POLR1A: variants seen among roughly 807,000 people sequenced by gnomAD.
The protein encoded by POLR1A is RNA polymerase I subunit A.
Under a neutral mutation model 205.3 loss-of-function variants are expected in POLR1A, and 84 were observed. The ratio of observed to expected loss-of-function variants is 0.41; its 90% confidence interval spans 0.34 to 0.49. The LOEUF is 0.49. Ranked by LOEUF, POLR1A falls within the 20% of genes least tolerant of loss-of-function variation. POLR1A has a pLI of 0.22. For synonymous variants in POLR1A, 799 were observed against 863.7 expected, an observed-to-expected ratio of 0.93 and a Z score of 1.31; for missense variants, 1,645 against 2,204.5, an observed-to-expected ratio of 0.75 and a Z score of 5.08.
chr2:86,027,997 G>A lies in POLR1A; in HGVS notation c.4950C>T (p.Phe1650=), dbSNP rs538210708. 9.9e-6 allele frequency: 16 copies of A among 1,614,180 alleles called. No individual in the cohort carries two copies. Among genetic ancestry groups the A allele is most frequent in the East Asian group, 4.5e-5 (2 of 44,880 alleles). Residue 1650 remains phenylalanine (F), a synonymous_variant, in exon 33 of 34, where the codon TTC becomes TTT. Transcript: ENST00000263857. ...HLSLVADYMC[F]EGVYKPLNRF... is the part of the protein sequence containing the mutation. ...GATTCAGTGGCTTGTAAACACCCTC[G>A]AAGCACATATAATCAGCAACCAGGG...
At chr2:86,080,727 A>G in intron 9 of POLR1A, 89 bp downstream of exon 9, 2 of 1,298,238 alleles carry the variant, frequency 1.5e-6, no homozygotes, top group Non-Finnish European at 1.1e-6. Context: ...CCCAGGAAGC[A>G]TCTCCCAGAC....
chr2:86,045,417 A>C, intron 20 of POLR1A, 57 bp from the exon 21 acceptor site: 4 of 1,426,464 alleles, frequency 2.8e-6, no homozygotes, highest in South Asian at 2.3e-5. Flanking sequence ...GCGCTTCCTG[A>C]AGGGCTCAGG....
intron 3 of POLR1A, among the ~76,000 whole-genome samples, chr2:86,096,329 T>C (rs936766838): frequency 1.3e-5 from 2 of 152,048 alleles, no homozygotes; most frequent in African/African-American, 4.8e-5. Context: ...ATAATTAATA[T>C]TGTTAAAATT....
intron 33 of POLR1A, 36 bp downstream of exon 33, chr2:86,027,849 T>G: frequency 3.1e-6 from 5 of 1,611,560 alleles, no homozygotes; most frequent in Non-Finnish European, 4.2e-6. Flanking sequence ...GAGTCGTCAG[T>G]AGAGGGGAGG....
At chr2:86,047,053 T>C in intron 19 of POLR1A, 112 bp downstream of exon 19, 1 of 680,306 alleles carries the variant, frequency 1.5e-6, no homozygotes, top group Non-Finnish European at 2.6e-6. Context: ...TCTACACGCT[T>C]TCCTCTTTTT....
intron 13 of POLR1A, among the ~76,000 whole-genome samples, chr2:86,068,386 C>CGGGGGGGGGGGGGGGGGGGGGG (rs543719645): frequency 8.2e-5 from 1 of 12,224 alleles, no homozygotes. Flanking sequence ...AGCACATGGG[C>CGGGGGGGGGGGGGGGGGGGGGG]GGGGGGGGGG....
intron 21 of POLR1A, among the ~76,000 whole-genome samples, chr2:86,044,547 G>T (rs1672677457): frequency 1.3e-5 from 2 of 152,236 alleles, no homozygotes; most frequent in Non-Finnish European, 2.9e-5. Context: ...TTACTGAGCA[G>T]CTTGGCTGCC....
chr2:86,056,546 G>A (rs771296006), intron 14 of POLR1A, among the ~76,000 whole-genome samples: 8 of 152,022 alleles, frequency 5.3e-5, no homozygotes, highest in Admixed American at 1.3e-4. Flanking sequence ...GATTTGCAAT[G>A]TAGATAAAAG....
At chr2:86,035,084 T>C (rs1488702747) in intron 27 of POLR1A, among the ~76,000 whole-genome samples, 1 of 152,246 alleles carries the variant, frequency 6.6e-6, no homozygotes, top group Non-Finnish European at 1.5e-5. Context: ...TTGGCCAGGC[T>C]GATTGTGGAC....
intron 11 of POLR1A, among the ~76,000 whole-genome samples, 160 bp from the exon 12 acceptor site, chr2:86,075,420 G>A (rs1673263174): frequency 6.6e-6 from 1 of 152,186 alleles, no homozygotes. Context: ...CATCCTGCCT[G>A]TCTTCTGCTA....
chr2:86,049,133 G>C (rs1369186463), intron 17 of POLR1A, 27 bp downstream of exon 17: 1 of 1,610,740 alleles, frequency 6.2e-7, no homozygotes, highest in African/African-American at 1.3e-5. Flanking sequence ...CTCTAGGGCA[G>C]GCCACGGCCT....
chr2:86,055,502 G>C (rs927751310), intron 14 of POLR1A, among the ~76,000 whole-genome samples: 3 of 152,234 alleles, frequency 2.0e-5, no homozygotes, highest in Admixed American at 1.3e-4. Context: ...ACTGTGCGGT[G>C]AGTGGGGTGA....
In POLR1A at chr2:86,062,243, C is replaced by T. The variant is rs535283067; in HGVS notation, c.2058+3031G>A. On this transcript the variant is annotated intron_variant, in intron 14 of 33. Coordinates refer to ENST00000263857, the MANE Select transcript of POLR1A (RefSeq NM_015425.6). ...TTCACCTATTTGCAAAATAAAAAAG[C>T]CTGTACCAACCTTTAGAGATACAAT... Among the ~76,000 whole-genome samples the T allele has an allele frequency of 4.6e-5, 7 of 152,206 alleles. No individual in the cohort carries two copies. The East Asian group carries it at 1.4e-3, about 29-fold the overall frequency.
intron 22 of POLR1A, among the ~76,000 whole-genome samples, chr2:86,043,503 G>A (rs922056387): frequency 6.6e-6 from 1 of 152,148 alleles, no homozygotes; most frequent in Non-Finnish European, 1.5e-5. Context: ...AGGAAGAGGG[G>A]AAGAGTGATG....
At chr2:86,059,869 T>A (rs1672965712) in intron 14 of POLR1A, among the ~76,000 whole-genome samples, 1 of 152,150 alleles carries the variant, frequency 6.6e-6, no homozygotes, top group Non-Finnish European at 1.5e-5. Context: ...CCTGGCCTCA[T>A]TCTTATTTAT....
At position 86,105,594 on chromosome 2, in the gene POLR1A, G is replaced by A. The variant is rs1247776442; in HGVS notation, c.77+106C>T. The A allele has an allele frequency of 9.7e-6, 7 of 718,890 alleles. No individual in the cohort carries two copies. In the East Asian group the frequency reaches 1.3e-4, roughly 14 times the overall value. 44.5% of individuals were successfully genotyped at this position (718,890 alleles called of 1,614,324 possible). A position where few individuals can be genotyped will look rare whatever the true frequency, so the allele number is the denominator to read the frequency against. On this transcript the variant is annotated intron_variant, in intron 1 of 33. Coordinates refer to ENST00000263857, the MANE Select transcript of POLR1A (RefSeq NM_015425.6). ...TCCCAGCAGGACAAGCGCCAGACAAGCCTGGACTCAAGAGGATAGACTGGG... is the reference window on the plus strand; with the variant it reads ...TCCCAGCAGGACAAGCGCCAGACAAACCTGGACTCAAGAGGATAGACTGGG...
In POLR1A at chr2:86,028,751, C is replaced by A. The variant is rs750903152; in HGVS notation, c.4780-40G>T. On this transcript the variant is annotated intron_variant, in intron 31 of 33. Transcript: ENST00000263857. This position sits in a 1 kb window ranked among gnomAD's most constrained non-coding sequence, Gnocchi z 4.5. Reference sequence around the variant, plus strand: ...GAAGGGATTTATTTAGAGGGCCTGGCCTTCTGCTCCCTTCTGCCTGCGTAT... The same window carrying A: ...GAAGGGATTTATTTAGAGGGCCTGGACTTCTGCTCCCTTCTGCCTGCGTAT... 7.2e-7 allele frequency: 1 copy of A among 1,382,574 alleles called. No individual in the cohort carries two copies. The highest frequency in any genetic ancestry group is 1.0e-6 in the Non-Finnish European group (1 of 971,674). 85.6% of individuals were successfully genotyped at this position (1,382,574 alleles called of 1,614,324 possible).
chr2:86,104,323 T>A (rs1673877542), intron 1 of POLR1A, among the ~76,000 whole-genome samples: 1 of 152,042 alleles, frequency 6.6e-6, no homozygotes, highest in African/African-American at 2.4e-5. Context: ...AAGAGCCCAA[T>A]AAATAAGTTA....
At chr2:86,042,157 A>C in intron 23 of POLR1A, 54 bp from the exon 24 acceptor site, 1 of 1,253,752 alleles carries the variant, frequency 8.0e-7, no homozygotes, top group East Asian at 2.3e-5. Flanking sequence ...GTAGCATAAG[A>C]GGGATCAAAA....
Sources: allele counts gnomAD v4.1 joint callset (sites outside exome capture counted in the v4.1 genomes callset), GRCh38; gene constraint gnomAD v4.1.1; non-coding constraint Gnocchi (gnomAD v3.1); transcripts MANE v1.5; gene names NCBI Gene and HGNC (gene_info 2026-07-23, HGNC 2026-07-21).